SCUBE1: variants seen among roughly 807,000 people sequenced by gnomAD.
SCUBE1 encodes signal peptide, CUB domain and EGF like domain containing 1.
Under a neutral mutation model 124.4 loss-of-function variants are expected in SCUBE1, and 59 were observed. The ratio of observed to expected loss-of-function variants is 0.47; its 90% CI spans 0.38 to 0.59. The LOEUF (loss-of-function observed/expected upper bound fraction) is 0.59. Among genes scored for constraint, SCUBE1 ranks in the 20% least tolerant of loss-of-function variants. The pLI is 0.00. For synonymous variants in SCUBE1, 545 were observed against 550.9 expected (o/e 0.99, Z 0.15); for missense variants, 1,150 against 1,371.2 (o/e 0.84, Z 2.55).
intron 3 of SCUBE1, among the ~76,000 whole-genome samples, chr22:43,291,525 A>T: frequency 6.6e-6 from 1 of 151,928 alleles, no homozygotes; most frequent in Non-Finnish European, 1.5e-5. Context: ...ACAGTGGTAC[A>T]GTGGGCCCCC....
In SCUBE1 at chr22:43,198,883, T is replaced by G. The variant is rs1260743716; in HGVS notation, c.*5114A>C. 2.6e-6 allele frequency: 1 copy of G among 382,578 alleles called. No homozygotes were observed. The highest frequency in any genetic ancestry group is 5.2e-6 in the Non-Finnish European group (1 of 192,538). The allele number at this position is 382,578 out of a possible 1,614,324, so 23.7% of individuals were successfully genotyped here. On this transcript the variant is annotated 3_prime_UTR_variant, in exon 22 of 22. Transcript: ENST00000360835. Reference sequence around the variant, plus strand: ...CTGTCTGTCTGCTGTCTGGGGCAGTTTGCTGTCTGCTTTCCGGGGCAGTTT... The same window carrying G: ...CTGTCTGTCTGCTGTCTGGGGCAGTGTGCTGTCTGCTTTCCGGGGCAGTTT...
At chr22:43,238,626 G>A in intron 7 of SCUBE1, 1 of 642,350 alleles carries the variant, frequency 1.6e-6, no homozygotes, top group Admixed American at 2.3e-5. Context: ...TGGGACCTGT[G>A]TTCTCTCGAA....
chr22:43,287,753 T>G (rs1185705755), intron 4 of SCUBE1, among the ~76,000 whole-genome samples: 1 of 152,264 alleles, frequency 6.6e-6, no homozygotes, highest in African/African-American at 2.4e-5. Flanking sequence ...TCCCAGGAGC[T>G]ATGGGAATCA....
chr22:43,238,614 C>T (rs1195480229), intron 7 of SCUBE1: 20 of 630,064 alleles, frequency 3.2e-5, no homozygotes, highest in South Asian at 7.4e-5. Flanking sequence ...GCTGATGTGC[C>T]GTGGGACCTG....
intron 4 of SCUBE1, among the ~76,000 whole-genome samples, chr22:43,273,040 C>T (rs766189276): frequency 7.2e-5 from 11 of 152,232 alleles, no homozygotes; most frequent in African/African-American, 4.8e-5. Flanking sequence ...TTTCAGCTCA[C>T]GCATTCCTTC....
At chr22:43,338,911 C>G (rs1397879757) in intron 2 of SCUBE1, among the ~76,000 whole-genome samples, 193 bp downstream of exon 2, 1 of 152,250 alleles carries the variant, frequency 6.6e-6, no homozygotes, top group African/African-American at 2.4e-5. Flanking sequence ...CTCCACCCTT[C>G]CAGGGAAGCA....
chr22:43,231,457 T>C (rs1164970343), intron 8 of SCUBE1, among the ~76,000 whole-genome samples: 1 of 152,190 alleles, frequency 6.6e-6, no homozygotes, highest in Non-Finnish European at 1.5e-5. Flanking sequence ...AGGAGTTCGA[T>C]GCTGGGAGGC....
At chr22:43,315,714 C>T (rs1569027468) in intron 3 of SCUBE1, among the ~76,000 whole-genome samples, 1 of 147,938 alleles carries the variant, frequency 6.8e-6, no homozygotes, top group Non-Finnish European at 1.5e-5. Context: ...CAAGTTAGAG[C>T]CGCGTGAGGT....
chr22:43,261,112 G>T (rs1923855551), intron 5 of SCUBE1, among the ~76,000 whole-genome samples: 1 of 152,216 alleles, frequency 6.6e-6, no homozygotes, highest in African/African-American at 2.4e-5. Context: ...ATGCATTTTT[G>T]ACCTTGGCCT....
intron 4 of SCUBE1, among the ~76,000 whole-genome samples, chr22:43,276,172 A>G (rs1924507639): frequency 6.6e-6 from 1 of 152,206 alleles, no homozygotes; most frequent in South Asian, 2.1e-4. Context: ...GGTTTTGGGC[A>G]GGTGGGAATT....
chr22:43,268,979 T>C (rs1026113131), intron 4 of SCUBE1, among the ~76,000 whole-genome samples: 1 of 152,100 alleles, frequency 6.6e-6, no homozygotes. Context: ...GAGGGCTGGA[T>C]TGGACACATT....
chr22:43,210,845 A>G lies in SCUBE1; in HGVS notation c.2383+77T>C. The G allele has an allele frequency of 1.3e-6, 2 of 1,522,136 alleles. No homozygotes were observed. The highest frequency in any genetic ancestry group is 1.8e-6 in the Non-Finnish European group (2 of 1,103,704). The allele number at this position is 1,522,136 out of a possible 1,614,324, so 94.3% of individuals were successfully genotyped here. ...GTCCTCGTGGAGCTCGTGTGAGATCAGGTCTCCTCCCGCCCCCACAACCTG... is the reference window on the plus strand; with the variant it reads ...GTCCTCGTGGAGCTCGTGTGAGATCGGGTCTCCTCCCGCCCCCACAACCTG... On this transcript the variant is annotated intron_variant, in intron 18 of 21. Transcript: ENST00000360835. This position sits in a 1 kb window ranked among gnomAD's most constrained non-coding sequence, Gnocchi z 4.5.
Position 43,222,581 on chromosome 22 carries a change from G to A in SCUBE1, c.1432+57C>T, listed in dbSNP as rs572397447. On this transcript the variant is annotated intron_variant, in intron 12 of 21. Coordinates refer to ENST00000360835, the MANE Select transcript of SCUBE1 (RefSeq NM_173050.5). ...CCCTTTCCTCCCCCGCCAGCATGTT[G>A]CTGGATGCAGTCAAGTCACCCAGTG... 181 of 1,316,170 alleles carry A rather than the reference G, an allele frequency of 1.4e-4. 1 individual carries two copies. In the African/African-American group the frequency reaches 2.3e-3, roughly 16 times the overall value. 81.5% of individuals were successfully genotyped at this position (1,316,170 alleles called of 1,614,324 possible).
intron 3 of SCUBE1, among the ~76,000 whole-genome samples, chr22:43,292,036 A>G (rs143868914): frequency 0.011 from 1,667 of 152,198 alleles, 28 homozygotes; most frequent in African/African-American, 0.038. Context: ...GCTGTCCCCA[A>G]CACATGGAGC....
At position 43,203,910 on chromosome 22, in the gene SCUBE1, G is replaced by A; in HGVS notation, c.*87C>T. Reference sequence around the variant, plus strand: ...GCAGTGCCATGGGGTTCCCAAGGTGGTGTGGAGGCCCATGCAGCTCCCACT... The same window carrying A: ...GCAGTGCCATGGGGTTCCCAAGGTGATGTGGAGGCCCATGCAGCTCCCACT... On this transcript the variant is annotated 3_prime_UTR_variant, in exon 22 of 22. Coordinates refer to ENST00000360835, the MANE Select transcript of SCUBE1 (RefSeq NM_173050.5). The A allele has an allele frequency of 1.4e-6, 2 of 1,390,468 alleles. No homozygotes were observed. Among genetic ancestry groups the A allele is most frequent in the Non-Finnish European group, 2.0e-6 (2 of 995,710 alleles). 86.1% of individuals were successfully genotyped at this position (1,390,468 alleles called of 1,614,324 possible). A position where few individuals can be genotyped will look rare whatever the true frequency, so the allele number is the denominator to read the frequency against.
At chr22:43,298,479 T>C (rs1439015718) in intron 3 of SCUBE1, among the ~76,000 whole-genome samples, 1 of 152,154 alleles carries the variant, frequency 6.6e-6, no homozygotes, top group Non-Finnish European at 1.5e-5. Context: ...AGCTCACTGC[T>C]CACGTCCAAA....
At chr22:43,270,885 G>T (rs1167715229) in intron 4 of SCUBE1, among the ~76,000 whole-genome samples, 3 of 152,144 alleles carry the variant, frequency 2.0e-5, no homozygotes, top group Non-Finnish European at 4.4e-5. Flanking sequence ...GTGCCCAAAG[G>T]GTTAGGCTGA....
chr22:43,335,739 GTGATGATGA>G (rs572505909), intron 2 of SCUBE1, among the ~76,000 whole-genome samples: 7 of 147,454 alleles, frequency 4.7e-5, no homozygotes, highest in Non-Finnish European at 1.0e-4. Context: ...GTGAGAACAG[GTGATGATGA>G]TGATGATGAT....
At chr22:43,221,133 GC>G (rs1464400744) in intron 13 of SCUBE1, 39 bp downstream of exon 13, 2 of 1,518,670 alleles carry the variant, frequency 1.3e-6, no homozygotes, top group Middle Eastern at 3.7e-4. Flanking sequence ...CTCTCCTACA[GC>G]CCCGTTGGTG....
Sources: allele counts gnomAD v4.1 joint callset (sites outside exome capture counted in the v4.1 genomes callset), GRCh38; gene constraint gnomAD v4.1.1; non-coding constraint Gnocchi (gnomAD v3.1); transcripts MANE v1.5; gene names NCBI Gene and HGNC (gene_info 2026-07-23, HGNC 2026-07-21).